FARP2: variants seen among roughly 807,000 people sequenced by gnomAD.
FARP2 encodes the protein FERM, ARH/RhoGEF and pleckstrin domain protein 2, also known as FERM, ARHGEF and pleckstrin domain-containing protein 2.
Under a neutral mutation model 130.5 loss-of-function variants are expected in FARP2, and 111 were observed. The ratio of observed to expected loss-of-function variants is 0.85; its 90% confidence interval spans 0.73 to 1.00. The LOEUF (loss-of-function observed/expected upper bound fraction) is 1.00, where lower values mean the gene tolerates loss of function less well. Among genes scored for constraint, FARP2 ranks in the 50% least tolerant of loss-of-function variants. FARP2 has a pLI of 0.00. For missense variants in FARP2, 1,385 were observed against 1,346.3 expected (o/e 1.03, Z -0.45); for synonymous variants, 504 against 516.9 (o/e 0.98, Z 0.34).
Position 241,463,488 on chromosome 2 carries a change from C to G in FARP2, c.1811+20C>G, listed in dbSNP as rs141700912. ...ACTCTGGTAACACCCCTTCAGCCCC[C>G]ACACGGGAGACTCCCACACCAACTC... On this transcript the variant is annotated intron_variant, in intron 16 of 26. Transcript: ENST00000264042. The G allele has an allele frequency of 9.1e-3, 14,687 of 1,609,374 alleles. 414 individuals carry two copies. Among genetic ancestry groups the G allele is most frequent in the South Asian group, 0.07 (6,321 of 90,928 alleles).
At chr2:241,439,356 G>C (rs1000451507) in intron 12 of FARP2, among the ~76,000 whole-genome samples, 9 of 151,878 alleles carry the variant, frequency 5.9e-5, no homozygotes, top group Admixed American at 2.6e-4. Flanking sequence ...TTGAGACAGA[G>C]TCTCGCTCTG....
intron 12 of FARP2, among the ~76,000 whole-genome samples, chr2:241,437,926 A>G (rs1057006069): frequency 6.6e-6 from 1 of 151,976 alleles, no homozygotes; most frequent in Non-Finnish European, 1.5e-5. Context: ...CGGCCTCCCA[A>G]AGTGCTGGGA....
rs2064630707 is a variant in FARP2, at chr2:241,482,134, GC to G, written c.2263-1329del. On this transcript the variant is annotated intron_variant, in intron 19 of 26. Coordinates refer to ENST00000264042, the MANE Select transcript of FARP2 (RefSeq NM_014808.4). This position sits in a 1 kb window ranked among gnomAD's most constrained non-coding sequence, Gnocchi z 4.6. ...TAACCAGGTATAAAGTTGATGAGGTGCCAAAGGGTAAAAAGAACTGTGAAGT... is the reference window on the plus strand; with the variant it reads ...TAACCAGGTATAAAGTTGATGAGGTGCAAAGGGTAAAAAGAACTGTGAAGT... Among the ~76,000 whole-genome samples the G allele has an allele frequency of 1.3e-5, 2 of 152,188 alleles. No individual in the cohort carries two copies. The highest frequency in any genetic ancestry group is 1.3e-4 in the Admixed American group (2 of 15,272).
In FARP2 at chr2:241,475,717, G is replaced by A. The variant is rs553627958; in HGVS notation, c.2132-140G>A. Reference sequence around the variant, plus strand: ...CCTGGTACCAAAAATGTTGGGGACCGCTGCTATAAGGAGTCGAGTAGGATG... The same window carrying A: ...CCTGGTACCAAAAATGTTGGGGACCACTGCTATAAGGAGTCGAGTAGGATG... On this transcript the variant is annotated intron_variant, in intron 18 of 26. Transcript: ENST00000264042. This position sits in a 1 kb window ranked among gnomAD's most constrained non-coding sequence, Gnocchi z 4.4. 1.1e-4 allele frequency: 66 copies of A among 624,168 alleles called. No individual in the cohort carries two copies. In the Admixed American group the frequency reaches 1.1e-3, roughly 11 times the overall value. 38.7% of individuals were successfully genotyped at this position (624,168 alleles called of 1,614,324 possible).
chr2:241,431,301 T>C (rs896843185), intron 8 of FARP2, among the ~76,000 whole-genome samples: 2 of 150,754 alleles, frequency 1.3e-5, no homozygotes, highest in African/African-American at 4.9e-5. Flanking sequence ...ACCTCATCTC[T>C]ACAAAAAAAA....
chr2:241,418,008 C>G lies in FARP2; in HGVS notation c.670C>G (p.Arg224Gly). ...ESDFQVLEIA[R>G]KLEMYGIRFH... Reference sequence around the variant, plus strand: ...GGATTTCCAGGTGCTCGAAATTGCTCGAAAGTTGGAAATGTACGGCATCAG... The same window carrying G: ...GGATTTCCAGGTGCTCGAAATTGCTGGAAAGTTGGAAATGTACGGCATCAG... Residue 224 changes from arginine (R) to glycine (G), a missense_variant, in exon 8 of 27, where the codon CGA becomes GGA. By Grantham distance (125) the Arg-to-Gly change is moderately radical. Coordinates refer to ENST00000264042, the MANE Select transcript of FARP2 (RefSeq NM_014808.4). 1.2e-6 allele frequency: 2 copies of G among 1,614,050 alleles called. No homozygotes were observed. Among genetic ancestry groups the G allele is most frequent in the Non-Finnish European group, 1.7e-6 (2 of 1,180,010 alleles).
At chr2:241,417,515 G>A (rs1434517505) in intron 7 of FARP2, among the ~76,000 whole-genome samples, 2 of 152,120 alleles carry the variant, frequency 1.3e-5, no homozygotes, top group African/African-American at 4.8e-5. Flanking sequence ...CAGAGACAGG[G>A]TTTCGCCATG....
chr2:241,479,415 G>T (rs1024522094), intron 19 of FARP2, among the ~76,000 whole-genome samples: 11 of 152,228 alleles, frequency 7.2e-5, no homozygotes, highest in Admixed American at 6.5e-4. Flanking sequence ...CAGGCCTTAG[G>T]CTCAGTCAGG....
At chr2:241,398,744 T>G (rs915312749) in intron 2 of FARP2, among the ~76,000 whole-genome samples, 1 of 152,212 alleles carries the variant, frequency 6.6e-6, no homozygotes, top group East Asian at 1.9e-4. Context: ...AATTTTTGTA[T>G]TTTTAATAGA....
intron 13 of FARP2, among the ~76,000 whole-genome samples, chr2:241,456,027 G>T (rs867203165): frequency 3.3e-5 from 5 of 151,236 alleles, no homozygotes; most frequent in Admixed American, 6.6e-5. Context: ...TAACCTTTGA[G>T]AATTTTTTTA....
At position 241,421,176 on chromosome 2, in the gene FARP2, CAG is replaced by C. The variant is rs1285745471; in HGVS notation, c.771+3068_771+3069del. On this transcript the variant is annotated intron_variant, in intron 8 of 26. Transcript: ENST00000264042. ...CCACAGATGTTTGCAACCCACAGAT[CAG>C]GAGATCTCCTCATGAGCCCATGCCA... Among the ~76,000 whole-genome samples the C allele has an allele frequency of 2.6e-5, 4 of 152,170 alleles. No homozygotes were observed. In the East Asian group the frequency reaches 7.7e-4, roughly 29 times the overall value.
chr2:241,493,401 C>T lies in FARP2; in HGVS notation c.3004C>T (p.His1002Tyr). ...TGTTTTCAAGCTCCAGTTCAAATCCCACGTCTACTTCTTCCGGGCTGAGAG... is the reference window on the plus strand; with the variant it reads ...TGTTTTCAAGCTCCAGTTCAAATCCTACGTCTACTTCTTCCGGGCTGAGAG... ...DYVFKLQFKSHVYFFRAESKY... is the reference protein window; with the variant it reads ...DYVFKLQFKSYVYFFRAESKY... Residue 1002 changes from histidine (H) to tyrosine (Y), a missense_variant, in exon 26 of 27, where the codon CAC (histidine) becomes TAC (tyrosine). Coordinates refer to ENST00000264042, the MANE Select transcript of FARP2 (RefSeq NM_014808.4). 1 of 1,613,940 alleles carries T rather than the reference C, an allele frequency of 6.2e-7. No individual in the cohort carries two copies. Among genetic ancestry groups the T allele is most frequent in the South Asian group, 1.1e-5 (1 of 91,082 alleles).
In FARP2 at chr2:241,476,056, A is replaced by C. The variant is rs1318041857; in HGVS notation, c.2262+69A>C. The stretch of plus-strand genomic sequence containing the variant: ...TTTTCAATTGAGATATAATTTACAT[A>C]CCACAAAAGTCACCATTTTAAAATG... On this transcript the variant is annotated intron_variant, in intron 19 of 26. Transcript: ENST00000264042. 8.4e-6 allele frequency: 12 copies of C among 1,433,350 alleles called. No homozygotes were observed. The East Asian group carries it at 2.8e-4, about 33-fold the overall frequency. 88.8% of individuals were successfully genotyped at this position (1,433,350 alleles called of 1,614,324 possible).
At chr2:241,367,955 C>T (rs2061350265) in intron 1 of FARP2, among the ~76,000 whole-genome samples, 2 of 151,424 alleles carry the variant, frequency 1.3e-5, no homozygotes, top group South Asian at 4.2e-4. Context: ...AGAGATTTTC[C>T]ATATACCCTC....
Position 241,493,029 on chromosome 2 carries a change from C to T in FARP2, c.2888C>T (p.Thr963Ile), listed in dbSNP as rs1559819671. 4.4e-6 allele frequency: 7 copies of T among 1,576,512 alleles called. No individual in the cohort carries two copies. The Admixed American group carries it at 5.0e-5, about 11-fold the overall frequency. Residue 963 changes from threonine to isoleucine, a missense_variant, in exon 25 of 27, where the codon ACT (threonine) becomes ATT (isoleucine). Coordinates refer to ENST00000264042, the MANE Select transcript of FARP2 (RefSeq NM_014808.4). ...FTNFCLFFYK[T>I]HQDDYPLASL... ...AACTTCTGTTTGTTCTTCTACAAAA[C>T]TCATCAGGTACTGGAGTTTCACTGG...
At chr2:241,404,969 C>A in intron 4 of FARP2, 128 bp downstream of exon 4, 1 of 622,790 alleles carries the variant, frequency 1.6e-6, no homozygotes, top group Non-Finnish European at 2.8e-6. Context: ...TCACCAATAG[C>A]GGACAAACTT....
At chr2:241,478,742 G>A (rs755941664) in intron 19 of FARP2, 11 of 448,216 alleles carry the variant, frequency 2.5e-5, no homozygotes, top group South Asian at 9.0e-5. Context: ...AACATCACAG[G>A]TGCCCATGAA....
intron 1 of FARP2, among the ~76,000 whole-genome samples, chr2:241,366,580 CT>C (rs1240059055): frequency 5.9e-5 from 9 of 152,068 alleles, no homozygotes; most frequent in Non-Finnish European, 1.3e-4. Context: ...TGAAAGTGAT[CT>C]TCCTTTTCTT....
intron 11 of FARP2, 105 bp downstream of exon 11, chr2:241,435,135 C>A: frequency 1.6e-6 from 1 of 631,732 alleles, no homozygotes; most frequent in Non-Finnish European, 2.6e-6. Context: ...GCTCCGTCAC[C>A]TAAGCTGGAA....
Sources: gnomAD v4.1 joint callset for allele counts (sites outside exome capture counted in the v4.1 genomes callset) on GRCh38, gnomAD v4.1.1 for gene constraint, Gnocchi (gnomAD v3.1) non-coding constraint, MANE v1.5 for transcripts, NCBI Gene and HGNC (gene_info 2026-07-23, HGNC 2026-07-21) for gene names.